Variants in EIF4E3 observed in about 807,000 individuals in gnomAD.
EIF4E3 encodes the protein eukaryotic translation initiation factor 4E type 3.
EIF4E3 carries 26 observed loss-of-function variants against 31.7 expected under a neutral mutation model. The ratio of observed to expected loss-of-function variants is 0.82; its 90% CI spans 0.60 to 1.14. The LOEUF (loss-of-function observed/expected upper bound fraction) is 1.14, where lower values mean the gene tolerates loss of function less well. EIF4E3 is among the 50% of genes most tolerant of loss of function. The pLI is 0.00. For missense variants in EIF4E3, 304 were observed against 270.9 expected (o/e 1.12, Z -0.86); for synonymous variants, 128 against 107.7 (o/e 1.19, Z -1.17).
chr3:71,735,936 A>G (rs2108142750), intron 1 of EIF4E3, among the ~76,000 whole-genome samples: 1 of 152,338 alleles, frequency 6.6e-6, no homozygotes, highest in East Asian at 1.9e-4. Context: ...CAAAATCTAC[A>G]AAGAAATTTT....
chr3:71,704,919 T>C (rs1251213574), intron 2 of EIF4E3, among the ~76,000 whole-genome samples: 1 of 152,260 alleles, frequency 6.6e-6, no homozygotes, highest in African/African-American at 2.4e-5. Flanking sequence ...GTTATATTTC[T>C]TCATAACTGG....
chr3:71,681,403 T>A lies in EIF4E3; in HGVS notation c.*3279A>T, dbSNP rs970942918. 1 of 152,184 alleles carries A rather than the reference T, an allele frequency of 6.6e-6. No individual in the cohort carries two copies. Among genetic ancestry groups the A allele is most frequent in the African/African-American group, 2.4e-5 (1 of 41,426 alleles). The allele number at this position is 152,184 out of a possible 1,614,324, so 9.4% of individuals were successfully genotyped here. Reference sequence around the variant, plus strand: ...GATCCTCTAAGAGTTGGGCAACTAATAGCAAAAGCCCACTTCCTGTCATAG... The same window carrying A: ...GATCCTCTAAGAGTTGGGCAACTAAAAGCAAAAGCCCACTTCCTGTCATAG... On this transcript the variant is annotated 3_prime_UTR_variant, in exon 7 of 7. Coordinates refer to ENST00000425534, the MANE Select transcript of EIF4E3 (RefSeq NM_001134651.2).
intron 3 of EIF4E3, among the ~76,000 whole-genome samples, chr3:71,699,077 A>G (rs951260417): frequency 1.1e-4 from 17 of 152,216 alleles, no homozygotes; most frequent in African/African-American, 4.1e-4. Context: ...AAAATAAAAA[A>G]TTAGTTGGGG....
the EIF4E3 span, among the ~76,000 whole-genome samples, chr3:71,666,685 C>T: frequency 6.6e-6 from 1 of 152,146 alleles, no homozygotes; most frequent in Non-Finnish European, 1.5e-5. Flanking sequence ...GCCTGTAATC[C>T]CAGCACTTTG....
At chr3:71,746,968 T>C (rs1180203660) in intron 1 of EIF4E3, among the ~76,000 whole-genome samples, 1 of 152,262 alleles carries the variant, frequency 6.6e-6, no homozygotes, top group African/African-American at 2.4e-5. Context: ...CCAGTACTTG[T>C]TATTATGAGT....
chr3:71,663,899 C>T, the EIF4E3 span, among the ~76,000 whole-genome samples: 3,086 of 152,168 alleles, frequency 0.02, 46 homozygotes, highest in Middle Eastern at 0.041. Flanking sequence ...GGGCTGCAAG[C>T]GACAAAGGAG....
chr3:71,747,686 C>A (rs2049887481), intron 1 of EIF4E3, among the ~76,000 whole-genome samples: 1 of 152,056 alleles, frequency 6.6e-6, no homozygotes, highest in Admixed American at 6.6e-5. Context: ...TCCAAGAAAC[C>A]ACTTCCTAAT....
upstream of EIF4E3, chr3:71,754,247 G>C: frequency 7.8e-7 from 1 of 1,284,392 alleles, no homozygotes; most frequent in Non-Finnish European, 1.0e-6. This position sits in a 1 kb window ranked among gnomAD's most constrained non-coding sequence, Gnocchi z 5.8. Context: ...CCGACGGGCT[G>C]CGCGCGCTCG....
At chr3:71,698,957 A>G (rs2049177309) in intron 3 of EIF4E3, among the ~76,000 whole-genome samples, 1 of 152,212 alleles carries the variant, frequency 6.6e-6, no homozygotes, top group African/African-American at 2.4e-5. Context: ...CTGGTGGCTC[A>G]TGCCTGTAAT....
At chr3:71,686,579 T>TGTGTGTGTGTGTGTG (rs397806589) in intron 6 of EIF4E3, among the ~76,000 whole-genome samples, 9 of 151,166 alleles carry the variant, frequency 6.0e-5, no homozygotes, top group South Asian at 2.1e-4. Flanking sequence ...TGTGTGTGTG[T>TGTGTGTGTGTGTGTG]TTTCTTTTTA....
intron 1 of EIF4E3, among the ~76,000 whole-genome samples, chr3:71,742,889 T>G (rs1313597579): frequency 2.0e-5 from 3 of 152,178 alleles, no homozygotes; most frequent in Admixed American, 2.0e-4. Flanking sequence ...AGTGTGGTTA[T>G]CTCAATAGAT....
rs573531008 is a variant in EIF4E3, at chr3:71,683,083, C to T, written c.*1599G>A. 6 of 150,252 alleles carry T rather than the reference C, an allele frequency of 4.0e-5. No homozygotes were observed. The highest frequency in any genetic ancestry group is 1.5e-4 in the African/African-American group (6 of 41,034). 9.3% of individuals were successfully genotyped at this position (150,252 alleles called of 1,614,324 possible). On this transcript the variant is annotated 3_prime_UTR_variant, in exon 7 of 7. Transcript: ENST00000425534. ...TCATTTTGAAATCACTAAGGAAACT[C>T]AAGTTTAGGGAAAAAAAAAAAGCAT... is the stretch of plus-strand genomic sequence containing the variant.
intron 1 of EIF4E3, among the ~76,000 whole-genome samples, chr3:71,746,125 A>G (rs1446224677): frequency 2.6e-5 from 4 of 152,196 alleles, no homozygotes; most frequent in Non-Finnish European, 4.4e-5. Flanking sequence ...CTTTCTGTAC[A>G]TATTTGTCAA....
intron 2 of EIF4E3, among the ~76,000 whole-genome samples, chr3:71,709,991 T>C (rs34550804): frequency 0.079 from 11,994 of 152,088 alleles, 545 homozygotes; most frequent in Non-Finnish European, 0.099. Context: ...GCTCTCCCCA[T>C]GTGACCTCTA....
downstream of EIF4E3, among the ~76,000 whole-genome samples, chr3:71,673,466 CTAT>C (rs761415964): frequency 3.3e-5 from 5 of 151,812 alleles, no homozygotes; most frequent in Admixed American, 6.6e-5. Flanking sequence ...AGTGTCTAAG[CTAT>C]TATTATTATT....
At chr3:71,726,004 G>C (rs1357047105), upstream of EIF4E3, among the ~76,000 whole-genome samples, 1 of 152,162 alleles carries the variant, frequency 6.6e-6, no homozygotes, top group Non-Finnish European at 1.5e-5. Flanking sequence ...GTGCCCGCGA[G>C]TACAGAACAA....
intron 1 of EIF4E3, among the ~76,000 whole-genome samples, chr3:71,740,716 G>C (rs1319337582): frequency 2.0e-5 from 3 of 152,186 alleles, no homozygotes; most frequent in Non-Finnish European, 2.9e-5. Context: ...CTGGACGATA[G>C]AGCAAGACCC....
intron 2 of EIF4E3, among the ~76,000 whole-genome samples, chr3:71,707,224 A>C (rs9823269): frequency 0.37 from 55,965 of 152,058 alleles, 10,579 homozygotes; most frequent in South Asian, 0.48. Flanking sequence ...CAGCATGATA[A>C]AATTACCATC....
chr3:71,711,188 G>A (rs1019251400), intron 1 of EIF4E3, among the ~76,000 whole-genome samples: 1 of 152,146 alleles, frequency 6.6e-6, no homozygotes, highest in Non-Finnish European at 1.5e-5. Context: ...ACCATTGCCT[G>A]GGATGGTAAA....
Sources: allele counts gnomAD v4.1 joint callset (sites outside exome capture counted in the v4.1 genomes callset), GRCh38; gene constraint gnomAD v4.1.1; non-coding constraint Gnocchi (gnomAD v3.1); transcripts MANE v1.5; gene names NCBI Gene and HGNC (gene_info 2026-07-23, HGNC 2026-07-21).